Variants in MTBP observed in about 807,000 individuals in gnomAD.
MTBP encodes the protein mdm2-binding protein.
In MTBP, 101 loss-of-function variants were observed where a neutral mutation model predicts 117.0. The observed-to-expected ratio is 0.86, with a 90% CI of 0.73 to 1.02. MTBP has a LOEUF of 1.02. Ranked by LOEUF, MTBP falls within the 50% of genes least tolerant of loss-of-function variation. The probability of loss-of-function intolerance (pLI) is 0.00; values close to 1 mark genes in which losing one functional copy is unlikely to be tolerated. For synonymous variants in MTBP, 350 were observed against 351.5 expected, an observed-to-expected ratio of 1.00 and a Z score of 0.05; for missense variants, 970 against 1,030.9, an observed-to-expected ratio of 0.94 and a Z score of 0.81.
Position 120,463,691 on chromosome 8 carries a change from G to C in MTBP, c.978-1G>C, listed in dbSNP as rs533726161. 16 of 1,609,042 alleles carry C rather than the reference G, an allele frequency of 9.9e-6. No homozygotes were observed. Among genetic ancestry groups the C allele is most frequent in the African/African-American group, 1.3e-5 (1 of 74,956 alleles). On this transcript the variant is annotated splice_acceptor_variant, in intron 9 of 21. Coordinates refer to ENST00000305949, the MANE Select transcript of MTBP (RefSeq NM_022045.5). LOFTEE classifies it high-confidence loss of function. Reference sequence around the variant, plus strand: ...ATCATTTCTTTAACTCCTTAGTACAGAGGATTGACAAACAGTACCAAACAG... The same window carrying C: ...ATCATTTCTTTAACTCCTTAGTACACAGGATTGACAAACAGTACCAAACAG...
chr8:120,473,767 A>G (rs542852807), intron 11 of MTBP: 1 of 152,116 alleles, frequency 6.6e-6, no homozygotes, highest in East Asian at 1.9e-4. Flanking sequence ...CAAAATCAGA[A>G]ATAGATTTTC....
intron 16 of MTBP, 130 bp from the exon 17 acceptor site, chr8:120,509,804 T>C: frequency 3.3e-6 from 2 of 600,190 alleles, no homozygotes; most frequent in Admixed American, 5.8e-5. Flanking sequence ...CTGGTGTGCC[T>C]TAACCTTTGT....
chr8:120,454,862 C>A (rs1205946534), intron 5 of MTBP, among the ~76,000 whole-genome samples: 1 of 151,934 alleles, frequency 6.6e-6, no homozygotes, highest in Non-Finnish European at 1.5e-5. Context: ...TGTAGTCCTT[C>A]AGGAAATGTA....
At chr8:120,521,299 A>G (rs1037737737) in intron 20 of MTBP, among the ~76,000 whole-genome samples, 5 of 152,308 alleles carry the variant, frequency 3.3e-5, no homozygotes, top group East Asian at 1.9e-4. Context: ...GGATAAATAG[A>G]ATATTGGAAG....
At chr8:120,502,371 G>A in intron 14 of MTBP, 121 bp from the exon 15 acceptor site, 1 of 524,316 alleles carries the variant, frequency 1.9e-6, no homozygotes, top group African/African-American at 1.9e-5. Context: ...CCTAAGGTAA[G>A]TATGCCTTTA....
chr8:120,449,810 A>T (rs892872917), intron 2 of MTBP, among the ~76,000 whole-genome samples: 7 of 152,202 alleles, frequency 4.6e-5, no homozygotes, highest in Admixed American at 1.3e-4. Flanking sequence ...ATAACAACAG[A>T]ACTAAAAACC....
At chr8:120,494,821 T>G (rs1365530180) in intron 13 of MTBP, among the ~76,000 whole-genome samples, 1 of 152,172 alleles carries the variant, frequency 6.6e-6, no homozygotes, top group Admixed American at 6.5e-5. Flanking sequence ...TTATTTTAAA[T>G]TTGCCTACTC....
chr8:120,521,477 T>G (rs1815006850), intron 20 of MTBP, among the ~76,000 whole-genome samples: 1 of 152,068 alleles, frequency 6.6e-6, no homozygotes, highest in African/African-American at 2.4e-5. Context: ...ATCCATGACG[T>G]TCTCCCTAAC....
intron 11 of MTBP, 124 bp downstream of exon 11, chr8:120,471,061 AG>A (rs1813806678): frequency 1.6e-6 from 1 of 641,490 alleles, no homozygotes; most frequent in Non-Finnish European, 2.6e-6. Context: ...ACTGATTACC[AG>A]GAGTCCACAT....
intron 13 of MTBP, among the ~76,000 whole-genome samples, chr8:120,496,535 A>G (rs1205885346): frequency 1.3e-5 from 2 of 152,138 alleles, no homozygotes; most frequent in African/African-American, 2.4e-5. Context: ...CTCTGACAGC[A>G]TTCAGTTTAA....
At chr8:120,484,236 C>A (rs563579925) in intron 11 of MTBP, among the ~76,000 whole-genome samples, 1 of 152,206 alleles carries the variant, frequency 6.6e-6, no homozygotes, top group South Asian at 2.1e-4. Context: ...TTTTGGCAAA[C>A]CTTAATTTCT....
Position 120,454,782 on chromosome 8 carries a change from C to A in MTBP, c.485-653C>A, listed in dbSNP as rs559249009. Among the ~76,000 whole-genome samples, 10 of 152,110 alleles carry A rather than the reference C, an allele frequency of 6.6e-5. No individual in the cohort carries two copies. In the East Asian group the frequency reaches 1.9e-3, roughly 29 times the overall value. On this transcript the variant is annotated intron_variant, in intron 5 of 21. Coordinates refer to ENST00000305949, the MANE Select transcript of MTBP (RefSeq NM_022045.5). ...GGTCAAAGTATGCACTGAAATATTA[C>A]ATAGTTGTTTTGGCAAATTAGAATA...
intron 11 of MTBP, among the ~76,000 whole-genome samples, chr8:120,482,439 CTGTT>C (rs1814105949): frequency 6.6e-6 from 1 of 151,914 alleles, no homozygotes; most frequent in South Asian, 2.1e-4. Context: ...GCTTCTGTGT[CTGTT>C]GAACAATAAA....
At chr8:120,464,775 T>A (rs760981725) in intron 10 of MTBP, among the ~76,000 whole-genome samples, 10 of 152,082 alleles carry the variant, frequency 6.6e-5, no homozygotes, top group African/African-American at 1.2e-4. Flanking sequence ...CCTCTAAGAA[T>A]AACTAATTTA....
chr8:120,445,513 T>A lies in MTBP; in HGVS notation c.43T>A (p.Phe15Ile). 2 of 1,613,270 alleles carry A rather than the reference T, an allele frequency of 1.2e-6. No homozygotes were observed. Among genetic ancestry groups the A allele is most frequent in the Non-Finnish European group, 1.7e-6 (2 of 1,179,652 alleles). The change falls in exon 1 of 22, where the codon TTC becomes ATC. Residue 15 changes from phenylalanine (F) to isoleucine (I), a missense_variant. By Grantham distance (21) the Phe-to-Ile change is conservative. Transcript: ENST00000305949. Reference sequence around the variant, plus strand: ...GCTGGTGATCTGGGGGGAAGGAAAATTCCCGTCGGCGGCCAGTAGGGAGGC... The same window carrying A: ...GCTGGTGATCTGGGGGGAAGGAAAAATCCCGTCGGCGGCCAGTAGGGAGGC... ...LLLVIWGEGK[F>I]PSAASREAEH...
intron 13 of MTBP, among the ~76,000 whole-genome samples, chr8:120,494,610 A>T (rs1185189156): frequency 6.6e-6 from 1 of 152,234 alleles, no homozygotes; most frequent in Non-Finnish European, 1.5e-5. Context: ...ACTATGGAAG[A>T]TAAAAACTTC....
intron 10 of MTBP, among the ~76,000 whole-genome samples, chr8:120,469,073 T>C (rs1040638406): frequency 2.6e-5 from 4 of 152,040 alleles, no homozygotes; most frequent in African/African-American, 9.7e-5. Context: ...TGAGATAGAG[T>C]CTCACTCTGT....
rs1448888554 is a variant in MTBP at position 120,509,954 on chromosome 8, C to T, written c.1904C>T (p.Thr635Ile). ...IQKGEKTFVL[T>I]PELSPGKLQV... The stretch of plus-strand genomic sequence containing the variant: ...TTCAGGGAAAAGACTTTTGTTTTGA[C>T]ACCAGAACTTAGTCCTGGGAAACTT... The change falls in exon 17 of 22, where the codon ACA (threonine) becomes ATA (isoleucine). Residue 635 changes from threonine (T) to isoleucine (I), a missense_variant. Physicochemically the swap from Thr to Ile is moderately conservative, Grantham distance 89 (BLOSUM62 -1). Coordinates refer to ENST00000305949, the MANE Select transcript of MTBP (RefSeq NM_022045.5). 3 of 1,611,062 alleles carry T rather than the reference C, an allele frequency of 1.9e-6. No homozygotes were observed. The highest frequency in any genetic ancestry group is 2.7e-5 in the African/African-American group (2 of 74,804).
intron 18 of MTBP, among the ~76,000 whole-genome samples, chr8:120,517,223 T>C (rs1246762775): frequency 6.6e-6 from 1 of 152,058 alleles, no homozygotes; most frequent in Non-Finnish European, 1.5e-5. Context: ...AGTTTATTTG[T>C]ATTTGTTTTA....
Sources: gnomAD v4.1 joint callset for allele counts (sites outside exome capture counted in the v4.1 genomes callset) on GRCh38, gnomAD v4.1.1 for gene constraint, MANE v1.5 for transcripts, NCBI Gene and HGNC (gene_info 2026-07-23, HGNC 2026-07-21) for gene names.